PADI1: variants seen among roughly 807,000 people sequenced by gnomAD.
PADI1 encodes the protein peptidyl arginine deiminase 1, also known as protein-arginine deiminase type-1.
PADI1 carries 65 observed loss-of-function variants against 74.8 expected under a neutral mutation model. The observed-to-expected ratio is 0.87, with a 90% CI of 0.71 to 1.07. The LOEUF is 1.07. Ranked by LOEUF, PADI1 falls within the 50% of genes least tolerant of loss-of-function variation. The pLI is 0.00. For synonymous variants in PADI1, 371 were observed against 336.2 expected, an observed-to-expected ratio of 1.10 and a Z score of -1.13; for missense variants, 943 against 854.0, an observed-to-expected ratio of 1.10 and a Z score of -1.30.
intron 13 of PADI1, among the ~76,000 whole-genome samples, chr1:17,239,012 G>T (rs887067126): frequency 1.3e-5 from 2 of 152,238 alleles, no homozygotes; most frequent in Admixed American, 1.3e-4. Flanking sequence ...GGAAACTGAG[G>T]CTCAGAAAGG....
chr1:17,206,683 CT>C lies in PADI1; in HGVS notation c.92+1395del, dbSNP rs796276122. 9.6e-3 allele frequency among the ~76,000 whole-genome samples: 1,053 copies of C among 109,756 alleles called. 3 individuals are homozygous for C. Among genetic ancestry groups the C allele is most frequent in the South Asian group, 0.025 (80 of 3,262 alleles). The allele number at this position is 109,756 out of a possible 152,430, so 72.0% of individuals were successfully genotyped here. Reference sequence around the variant, plus strand: ...AAGCTGAAGTCTTTTTTTTCTTTTTCTTTTTTTTTTTTTTTTTTTTTGAGAT... The same window carrying C: ...AAGCTGAAGTCTTTTTTTTCTTTTTCTTTTTTTTTTTTTTTTTTTTGAGAT... On this transcript the variant is annotated intron_variant, in intron 1 of 15. Transcript: ENST00000375471.
chr1:17,235,198 AAGGG>A lies in PADI1; in HGVS notation c.1314-2104_1314-2101del, dbSNP rs1480128425. Among the ~76,000 whole-genome samples, 20 of 121,336 alleles carry A rather than the reference AAGGG, an allele frequency of 1.6e-4. 1 individual carries two copies. The highest frequency in any genetic ancestry group is 1.4e-3 in the Admixed American group (17 of 11,966). 79.6% of individuals were successfully genotyped at this position (121,336 alleles called of 152,430 possible). A position where few individuals can be genotyped will look rare whatever the true frequency, so the allele number is the denominator to read the frequency against. On this transcript the variant is annotated intron_variant, in intron 11 of 15. Coordinates refer to ENST00000375471, the MANE Select transcript of PADI1 (RefSeq NM_013358.3). ...GAAGGAAGGAAGGAAAGAAGGAAGG[AAGGG>A]AGGGAGGGAGGAAGGGAAGGAAGGA...
At chr1:17,225,733 C>A in intron 4 of PADI1, 78 bp from the exon 5 acceptor site, 1 of 916,830 alleles carries the variant, frequency 1.1e-6, no homozygotes, top group Non-Finnish European at 1.7e-6. Flanking sequence ...ATAAAGCAGC[C>A]CGCCCTGGCC....
intron 4 of PADI1, among the ~76,000 whole-genome samples, chr1:17,225,184 G>A (rs150945031): frequency 1.4e-4 from 22 of 152,260 alleles, no homozygotes; most frequent in African/African-American, 5.1e-4. Flanking sequence ...CCAGCTATGC[G>A]GCTTGGGACT....
intron 3 of PADI1, 46 bp from the exon 4 acceptor site, chr1:17,224,321 A>G (rs367795839): frequency 2.4e-5 from 37 of 1,539,720 alleles, no homozygotes; most frequent in Non-Finnish European, 3.2e-5. Flanking sequence ...GGGTGTGAAG[A>G]TGGGGCTGGA....
chr1:17,223,543 A>C (rs1271729732), intron 2 of PADI1, 78 bp from the exon 3 acceptor site: 1 of 1,186,268 alleles, frequency 8.4e-7, no homozygotes, highest in Non-Finnish European at 1.3e-6. Flanking sequence ...TAGGGCTGTC[A>C]GGATGTGTCC....
At chr1:17,237,570 T>G in intron 12 of PADI1, 112 bp downstream of exon 12, 1 of 1,060,786 alleles carries the variant, frequency 9.4e-7, no homozygotes, top group Non-Finnish European at 1.3e-6. Flanking sequence ...GAGTAAGCTC[T>G]GGATTGGGAC....
intron 14 of PADI1, 112 bp downstream of exon 14, chr1:17,239,895 G>C (rs2072737639): frequency 2.5e-6 from 2 of 799,742 alleles, no homozygotes; most frequent in Non-Finnish European, 4.2e-6. Context: ...CATGGTCCTG[G>C]GGGCTGCTGG....
At chr1:17,232,454 T>C (rs185257279) in intron 10 of PADI1, among the ~76,000 whole-genome samples, 24 of 152,346 alleles carry the variant, frequency 1.6e-4, no homozygotes, top group African/African-American at 5.5e-4. Flanking sequence ...TGCTGCCTCG[T>C]CAACATCTCA....
At chr1:17,239,051 C>A (rs966438982) in intron 13 of PADI1, among the ~76,000 whole-genome samples, 1 of 152,210 alleles carries the variant, frequency 6.6e-6, no homozygotes, top group African/African-American at 2.4e-5. Flanking sequence ...GCTATGCAGC[C>A]AGGGAGCAGC....
At chr1:17,236,073 TCTC>T (rs1449116366) in intron 11 of PADI1, among the ~76,000 whole-genome samples, 1 of 152,058 alleles carries the variant, frequency 6.6e-6, no homozygotes, top group Non-Finnish European at 1.5e-5. Context: ...AGAACCCAGG[TCTC>T]CTTCTACCTG....
chr1:17,215,236 CAG>C (rs2071943950), intron 1 of PADI1, among the ~76,000 whole-genome samples: 1 of 152,084 alleles, frequency 6.6e-6, no homozygotes. Flanking sequence ...CCCAGCACCC[CAG>C]AGAGAGGTGA....
At chr1:17,237,500 T>C in intron 12 of PADI1, 42 bp downstream of exon 12, 1 of 1,564,444 alleles carries the variant, frequency 6.4e-7, no homozygotes, top group East Asian at 2.3e-5. Context: ...TCTGCCCTTG[T>C]CTGACCTGAT....
chr1:17,228,867 C>T, intron 7 of PADI1, 70 bp downstream of exon 7: 3 of 1,581,898 alleles, frequency 1.9e-6, no homozygotes, highest in Non-Finnish European at 2.6e-6. Context: ...GGCTCCAGGG[C>T]TGGGCAGGCT....
At position 17,225,933 on chromosome 1, in the gene PADI1, G is replaced by A. The variant is rs2072296453; in HGVS notation, c.526+5G>A. On this transcript the variant is annotated splice_donor_5th_base_variant and intron_variant, in intron 5 of 15. Transcript: ENST00000375471. ...GCTGGCTGATGTCGCTGGCTGGTGA[G>A]TGACACAAGGTGTTGTCTGGGGAGT... 4 of 1,613,400 alleles carry A rather than the reference G, an allele frequency of 2.5e-6. No homozygotes were observed. The South Asian group carries it at 3.3e-5, about 13-fold the overall frequency.
intron 1 of PADI1, among the ~76,000 whole-genome samples, chr1:17,215,137 G>A (rs948183348): frequency 1.3e-5 from 2 of 152,192 alleles, no homozygotes; most frequent in Admixed American, 1.3e-4. Context: ...GTCTCCTGCA[G>A]GAAGCCACAT....
intron 8 of PADI1, among the ~76,000 whole-genome samples, chr1:17,229,608 G>A (rs953238013): frequency 6.6e-6 from 1 of 152,222 alleles, no homozygotes. Flanking sequence ...CTGGTCATAA[G>A]TTAAAAGGCT....
chr1:17,229,478 T>C (rs945948517), intron 8 of PADI1, among the ~76,000 whole-genome samples: 2 of 152,196 alleles, frequency 1.3e-5, no homozygotes, highest in Non-Finnish European at 2.9e-5. Context: ...AGCTTGCTGG[T>C]CCTTCTGCCG....
rs2072251180 is a variant in PADI1 at position 17,224,399 on chromosome 1, G to A, written c.379G>A (p.Gly127Ser). The A allele has an allele frequency of 6.2e-7, 1 of 1,614,030 alleles. No individual in the cohort carries two copies. Among genetic ancestry groups the A allele is most frequent in the East Asian group, 2.2e-5 (1 of 44,842 alleles). ...ISLEVDTGRTGKVKRSQGDKK... is the reference protein window; with the variant it reads ...ISLEVDTGRTSKVKRSQGDKK... ...CCTTGAGGTTGACACAGGCCGCACA[G>A]GCAAGGTGAAGAGGAGCCAAGGGGA... The change falls in exon 4 of 16, where the codon GGC becomes AGC. Residue 127 changes from glycine (G) to serine (S), a missense_variant. By Grantham distance (56) the Gly-to-Ser change is moderately conservative. Transcript: ENST00000375471.
Sources: allele counts gnomAD v4.1 joint callset (sites outside exome capture counted in the v4.1 genomes callset), GRCh38; gene constraint gnomAD v4.1.1; transcripts MANE v1.5; gene names NCBI Gene and HGNC (gene_info 2026-07-23, HGNC 2026-07-21).